Variants in ZNF716 observed in about 807,000 individuals in gnomAD.
The protein encoded by ZNF716 is zinc finger protein 716.
Under a neutral mutation model 13.4 loss-of-function variants are expected in ZNF716, and 9 were observed. The ratio of observed to expected loss-of-function variants is 0.67; its 90% CI spans 0.41 to 1.18. The LOEUF is 1.18. Among genes scored for constraint, ZNF716 ranks in the 50% most tolerant of loss-of-function variants. The pLI is 0.01. For synonymous variants in ZNF716, 186 were observed against 195.2 expected, an observed-to-expected ratio of 0.95 and a Z score of 0.39; for missense variants, 581 against 576.6, an observed-to-expected ratio of 1.01 and a Z score of -0.08.
chr7:57,473,217 C>T lies in ZNF716; in HGVS notation c.*3268C>T, dbSNP rs1340624946. On this transcript the variant is annotated 3_prime_UTR_variant, in exon 4 of 4. Transcript: ENST00000420713. The stretch of plus-strand genomic sequence containing the variant: ...TTTAGTTTCAATTTACATAGAGTTA[C>T]ATATACAAATATATTACTCTAAAGA... The T allele has an allele frequency of 1.3e-5, 2 of 152,102 alleles. No homozygotes were observed. Among genetic ancestry groups the T allele is most frequent in the Admixed American group, 1.3e-4 (2 of 15,252 alleles). The allele number at this position is 152,102 out of a possible 1,614,324, so 9.4% of individuals were successfully genotyped here. A position where few individuals can be genotyped will look rare whatever the true frequency, so the allele number is the denominator to read the frequency against.
intron 1 of ZNF716, among the ~76,000 whole-genome samples, chr7:57,456,233 C>T (rs959240274): frequency 2.0e-5 from 3 of 151,938 alleles, no homozygotes; most frequent in African/African-American, 4.8e-5. Context: ...GGATTACAGG[C>T]GTGAGCCATC....
chr7:57,462,395 G>T (rs535391456), intron 1 of ZNF716, 65 bp from the exon 2 acceptor site: 1 of 1,563,492 alleles, frequency 6.4e-7, no homozygotes, highest in South Asian at 1.1e-5. Context: ...CTCTGCCTAT[G>T]GCAACATGGT....
In ZNF716 at chr7:57,470,104, G is replaced by T. The variant is rs559949160; in HGVS notation, c.*155G>T. The T allele has an allele frequency of 2.7e-6, 2 of 744,994 alleles. No homozygotes were observed. Among genetic ancestry groups the T allele is most frequent in the Non-Finnish European group, 4.0e-6 (2 of 496,220 alleles). The allele number at this position is 744,994 out of a possible 1,614,324, so 46.1% of individuals were successfully genotyped here. A position where few individuals can be genotyped will look rare whatever the true frequency, so the allele number is the denominator to read the frequency against. ...CATATTGGACAAAAGTCTTATAAAT[G>T]TAAAAAAAAAAGTAACAGCCTTTAA... On this transcript the variant is annotated 3_prime_UTR_variant, in exon 4 of 4. Coordinates refer to ENST00000420713, the MANE Select transcript of ZNF716 (RefSeq NM_001159279.1).
At chr7:57,451,801 C>G (rs1274124605) in intron 1 of ZNF716, among the ~76,000 whole-genome samples, 1 of 145,334 alleles carries the variant, frequency 6.9e-6, no homozygotes, top group Admixed American at 7.0e-5. Flanking sequence ...GAGTCTCACT[C>G]TGTGGCCCAG....
At chr7:57,456,592 G>A (rs1313062502) in intron 1 of ZNF716, among the ~76,000 whole-genome samples, 2 of 152,060 alleles carry the variant, frequency 1.3e-5, no homozygotes, top group Non-Finnish European at 2.9e-5. Context: ...AAAATTAGCC[G>A]AGCATGGTGA....
intron 1 of ZNF716, among the ~76,000 whole-genome samples, chr7:57,451,201 G>A (rs1554321505): frequency 6.6e-6 from 1 of 151,930 alleles, no homozygotes; most frequent in African/African-American, 2.4e-5. Context: ...TTTTAGTAGA[G>A]ACGTGGTTTC....
chr7:57,456,746 A>C (rs552270853), intron 1 of ZNF716, among the ~76,000 whole-genome samples: 206 of 151,642 alleles, frequency 1.4e-3, no homozygotes, highest in Middle Eastern at 6.8e-3. Context: ...AAAAAAAAAA[A>C]CAAATTGCTT....
rs1337472996 is a variant in ZNF716 at position 57,471,984 on chromosome 7, A to C, written c.*2035A>C. On this transcript the variant is annotated 3_prime_UTR_variant, in exon 4 of 4. Transcript: ENST00000420713. ...TTTCTGAAAAGCAAATAGTAATGTA[A>C]CTCACATTTCAAATTACTTCATGTT... 1 of 152,168 alleles carries C rather than the reference A, an allele frequency of 6.6e-6. No homozygotes were observed. Among genetic ancestry groups the C allele is most frequent in the Non-Finnish European group, 1.5e-5 (1 of 68,022 alleles). The allele number at this position is 152,168 out of a possible 1,614,324, so 9.4% of individuals were successfully genotyped here.
At chr7:57,451,634 GAT>G (rs1161401088) in intron 1 of ZNF716, among the ~76,000 whole-genome samples, 1 of 151,470 alleles carries the variant, frequency 6.6e-6, no homozygotes, top group Non-Finnish European at 1.5e-5. Flanking sequence ...TTTTAGTAGA[GAT>G]AGAGTGTTGC....
At chr7:57,462,102 G>GAACCCAGGAGGCGGAGGTTGCAC (rs1789715690) in intron 1 of ZNF716, among the ~76,000 whole-genome samples, 1 of 151,506 alleles carries the variant, frequency 6.6e-6, no homozygotes, top group Non-Finnish European at 1.5e-5. Flanking sequence ...GGAGGTTGCA[G>GAACCCAGGAGGCGGAGGTTGCAC]TGAGCCAATT....
intron 3 of ZNF716, 29 bp downstream of exon 3, chr7:57,463,197 A>G: frequency 1.2e-6 from 2 of 1,603,364 alleles, no homozygotes; most frequent in East Asian, 4.5e-5. Flanking sequence ...AGCAGATGAC[A>G]CAGATGAGAG....
At chr7:57,461,610 A>G (rs1789709152) in intron 1 of ZNF716, among the ~76,000 whole-genome samples, 1 of 152,152 alleles carries the variant, frequency 6.6e-6, no homozygotes, top group South Asian at 2.1e-4. Context: ...CAGGTGAGAG[A>G]AACTGGGAAG....
At chr7:57,465,982 C>T (rs1208653400) in intron 3 of ZNF716, among the ~76,000 whole-genome samples, 2 of 149,222 alleles carry the variant, frequency 1.3e-5, no homozygotes, top group African/African-American at 5.0e-5. Flanking sequence ...GGGAATTGAA[C>T]AATGAGAACA....
rs1789738829 is a variant in ZNF716 at position 57,463,123 on chromosome 7, G to A, written c.217G>A (p.Glu73Lys). ...GATCACCTGTCTGGAGCAAAATAAA[G>A]AGCCCCAGAATATAAAGAGAAATGA... ...DLITCLEQNK[E>K]PQNIKRNEMV... The change falls in exon 3 of 4, where the codon GAG (glutamate) becomes AAG (lysine). Residue 73 changes from glutamate (E) to lysine (K), a missense_variant. Glu to Lys is a moderately conservative substitution (Grantham distance 56). Coordinates refer to ENST00000420713, the MANE Select transcript of ZNF716 (RefSeq NM_001159279.1). The A allele has an allele frequency of 6.2e-7, 1 of 1,610,064 alleles. No homozygotes were observed. Among genetic ancestry groups the A allele is most frequent in the Admixed American group, 1.7e-5 (1 of 59,966 alleles).
intron 3 of ZNF716, among the ~76,000 whole-genome samples, chr7:57,466,046 G>A (rs1450474857): frequency 6.6e-6 from 1 of 151,320 alleles, no homozygotes; most frequent in East Asian, 2.0e-4. Flanking sequence ...GGGGTGGGGG[G>A]AGTGGGGAGG....
At position 57,469,557 on chromosome 7, in the gene ZNF716, A is replaced by G; in HGVS notation, c.1096A>G (p.Thr366Ala). ...ECGKAFTFSS[T>A]LNTHKRIHTG... is the part of the protein sequence containing the mutation. Reference sequence around the variant, plus strand: ...TGGGAAAGCCTTTACCTTCTCCTCAACTCTAAATACTCATAAGAGGATTCA... The same window carrying G: ...TGGGAAAGCCTTTACCTTCTCCTCAGCTCTAAATACTCATAAGAGGATTCA... Residue 366 changes from threonine (T) to alanine (A), a missense_variant, in exon 4 of 4, where the codon ACT becomes GCT. Coordinates refer to ENST00000420713, the MANE Select transcript of ZNF716 (RefSeq NM_001159279.1). 6.2e-7 allele frequency: 1 copy of G among 1,611,668 alleles called. No homozygotes were observed. Among genetic ancestry groups the G allele is most frequent in the Non-Finnish European group, 8.5e-7 (1 of 1,178,906 alleles).
At chr7:57,457,921 T>G (rs1789632709) in intron 1 of ZNF716, among the ~76,000 whole-genome samples, 1 of 152,198 alleles carries the variant, frequency 6.6e-6, no homozygotes, top group Admixed American at 6.5e-5. Context: ...GATTTTCTGC[T>G]CCTGCACCAG....
chr7:57,466,827 ATGC>A (rs1789825522), intron 3 of ZNF716, among the ~76,000 whole-genome samples: 1 of 151,940 alleles, frequency 6.6e-6, no homozygotes, highest in African/African-American at 2.4e-5. Context: ...TTGTAATTTT[ATGC>A]TGCTATTTTA....
At chr7:57,453,658 C>T (rs7806170) in intron 1 of ZNF716, among the ~76,000 whole-genome samples, 5,455 of 152,096 alleles carry the variant, frequency 0.036, 316 homozygotes, top group East Asian at 0.24. Flanking sequence ...CTTAGCTTTG[C>T]GAATATTACC....
Sources: allele counts gnomAD v4.1 joint callset (sites outside exome capture counted in the v4.1 genomes callset), GRCh38; gene constraint gnomAD v4.1.1; transcripts MANE v1.5; gene names NCBI Gene and HGNC (gene_info 2026-07-23, HGNC 2026-07-21).